Variants in RILPL1 observed in about 807,000 individuals in gnomAD.
RILPL1 encodes the protein Rab interacting lysosomal protein like 1, also known as RILP-like protein 1.
Under a neutral mutation model 50.3 loss-of-function variants are expected in RILPL1, and 33 were observed. That is an observed-to-expected ratio of 0.66 (90% CI 0.50 to 0.88). RILPL1 has a LOEUF of 0.88. Among genes scored for constraint, RILPL1 ranks in the 40% least tolerant of loss-of-function variants. The probability of loss-of-function intolerance (pLI) is 0.00; values close to 1 mark genes in which losing one functional copy is unlikely to be tolerated. For synonymous variants in RILPL1, 205 were observed against 228.6 expected (o/e 0.90, Z 0.93); for missense variants, 418 against 542.5 (o/e 0.77, Z 2.28).
chr12:123,490,750 C>CTTT (rs36045938), intron 4 of RILPL1, among the ~76,000 whole-genome samples: 1 of 132,804 alleles, frequency 7.5e-6, no homozygotes, highest in Admixed American at 7.5e-5. Context: ...AAAGTCCTGA[C>CTTT]TTTTTTTTTT....
At chr12:123,505,616 C>T (rs1323435694) in intron 2 of RILPL1, among the ~76,000 whole-genome samples, 1 of 152,046 alleles carries the variant, frequency 6.6e-6, no homozygotes, top group Non-Finnish European at 1.5e-5. Flanking sequence ...CTGTGCCCGG[C>T]CATCGAGTTT....
chr12:123,507,423 G>T (rs191188545), intron 2 of RILPL1, among the ~76,000 whole-genome samples: 135 of 151,924 alleles, frequency 8.9e-4, no homozygotes, highest in African/African-American at 3.2e-3. Context: ...ATACTAACTG[G>T]GTGTGATGGC....
chr12:123,502,175 G>C (rs144990139), intron 2 of RILPL1, among the ~76,000 whole-genome samples: 4,004 of 152,222 alleles, frequency 0.026, 81 homozygotes, highest in Admixed American at 0.06. Context: ...ATTCAGGGAG[G>C]TAAAGGAAGA....
At chr12:123,516,475 C>T (rs905173122) in intron 2 of RILPL1, among the ~76,000 whole-genome samples, 2 of 152,246 alleles carry the variant, frequency 1.3e-5, no homozygotes, top group Non-Finnish European at 1.5e-5. Flanking sequence ...AGCCCTGCTC[C>T]GCTTCCTCTT....
Position 123,485,698 on chromosome 12 carries a change from C to A in RILPL1, c.909G>T (p.Leu303=). ...TGGACTTGAGCTCGTTCCTCTCGTG[C>A]AGCACGTCCCGCAGCTCCTGCAGGG... ...RFTLQELRDV[L]HERNELKSKV... is the part of the protein sequence containing the mutation. Residue 303 remains leucine (L), a synonymous_variant, in exon 5 of 7, where the codon CTG becomes CTT. Transcript: ENST00000376874. This position sits in a 1 kb window ranked among gnomAD's most constrained non-coding sequence, Gnocchi z 4.0. The A allele has an allele frequency of 6.2e-7, 1 of 1,613,704 alleles. No homozygotes were observed. Among genetic ancestry groups the A allele is most frequent in the African/African-American group, 1.3e-5 (1 of 75,038 alleles).
intron 6 of RILPL1, among the ~76,000 whole-genome samples, chr12:123,479,852 C>T (rs1048812133): frequency 6.6e-6 from 1 of 152,158 alleles, no homozygotes; most frequent in Non-Finnish European, 1.5e-5. Flanking sequence ...AAACAGGGCC[C>T]CAGCGTCCTT....
chr12:123,510,387 GTGTGAGGTCTGTGTGTGGTGTCAA>G (rs1240184842), intron 2 of RILPL1, among the ~76,000 whole-genome samples: 1 of 152,056 alleles, frequency 6.6e-6, no homozygotes, highest in African/African-American at 2.4e-5. Context: ...TGTGTGTGGT[GTGTGAGGTCTGTGTGTGGTGTCAA>G]TGTGAGGTCT....
rs991982568 is a variant in RILPL1, at chr12:123,484,208, G to T, written c.1039C>A (p.Pro347Thr). ...PPPIAHPRTS[P>T]QPESGIKRLF... is the part of the protein sequence containing the mutation. ...CGCTTGATGCCCGACTCCGGCTGGG[G>T]GGACGTCCTCGGGTGGGCGATGGGT... The change falls in exon 6 of 7, where the codon CCC becomes ACC. Residue 347 changes from proline to threonine, a missense_variant. By Grantham distance (38) the Pro-to-Thr change is conservative (BLOSUM62 -1). Transcript: ENST00000376874. 5 of 1,611,014 alleles carry T rather than the reference G, an allele frequency of 3.1e-6. No individual in the cohort carries two copies. In the African/African-American group the frequency reaches 6.7e-5, roughly 22 times the overall value.
Position 123,485,945 on chromosome 12 carries a change from G to A in RILPL1, c.802-140C>T, listed in dbSNP as rs1008712659. The A allele has an allele frequency of 3.9e-5, 31 of 796,262 alleles. No homozygotes were observed. Among genetic ancestry groups the A allele is most frequent in the African/African-American group, 3.8e-4 (21 of 55,872 alleles). 49.3% of individuals were successfully genotyped at this position (796,262 alleles called of 1,614,324 possible). On this transcript the variant is annotated intron_variant, in intron 4 of 6. Transcript: ENST00000376874. This position sits in a 1 kb window ranked among gnomAD's most constrained non-coding sequence, Gnocchi z 4.0. Reference sequence around the variant, plus strand: ...GGTGCTATTTTCAGCACTCGCAGGCGGCCCTTGCTCACGTTCTGTACAGTT... The same window carrying A: ...GGTGCTATTTTCAGCACTCGCAGGCAGCCCTTGCTCACGTTCTGTACAGTT...
intron 2 of RILPL1, among the ~76,000 whole-genome samples, chr12:123,499,934 C>CA (rs1035967244): frequency 2.8e-5 from 4 of 144,786 alleles, no homozygotes; most frequent in African/African-American, 1.0e-4. Flanking sequence ...CCATGTATTA[C>CA]TTTTTTTTTT....
intron 2 of RILPL1, among the ~76,000 whole-genome samples, chr12:123,500,697 T>C (rs2139342098): frequency 6.6e-6 from 1 of 151,446 alleles, no homozygotes; most frequent in Middle Eastern, 3.4e-3. Context: ...GCTAGCCTCT[T>C]TATGCCTCAG....
At chr12:123,531,988 G>A (rs78878823) in intron 1 of RILPL1, among the ~76,000 whole-genome samples, 11,258 of 152,256 alleles carry the variant, frequency 0.074, 946 homozygotes, top group African/African-American at 0.2. Context: ...CCATGAGGAC[G>A]AGCACAGTCA....
At chr12:123,532,716 G>GT (rs1232279863) in intron 1 of RILPL1, among the ~76,000 whole-genome samples, 1 of 112,542 alleles carries the variant, frequency 8.9e-6, no homozygotes, top group African/African-American at 3.1e-5. Context: ...GGGGGGGGGG[G>GT]ATGAAGAAAG....
intron 2 of RILPL1, among the ~76,000 whole-genome samples, chr12:123,513,184 G>A (rs1247516642): frequency 6.6e-6 from 1 of 151,618 alleles, no homozygotes; most frequent in Non-Finnish European, 1.5e-5. Context: ...TGTGTGAGTG[G>A]GTGTATGTGT....
intron 2 of RILPL1, 137 bp downstream of exon 2, chr12:123,523,358 C>T (rs756426791): frequency 1.0e-6 from 1 of 995,776 alleles, no homozygotes; most frequent in Non-Finnish European, 1.5e-6. Context: ...TGCAAATCAA[C>T]ACAATACAGA....
rs1054009306 is a variant in RILPL1, at chr12:123,491,680, C to T, written c.802-5875G>A. Among the ~76,000 whole-genome samples, 2 of 152,136 alleles carry T rather than the reference C, an allele frequency of 1.3e-5. No individual in the cohort carries two copies. The highest frequency in any genetic ancestry group is 4.8e-5 in the African/African-American group (2 of 41,430). On this transcript the variant is annotated intron_variant, in intron 4 of 6. Coordinates refer to ENST00000376874, the MANE Select transcript of RILPL1 (RefSeq NM_178314.5). This position sits in a 1 kb window ranked among gnomAD's most constrained non-coding sequence, Gnocchi z 4.0. ...GTCTGCTTTCCCTATGCAGGCAGCC[C>T]GCACTTTACAAAACAAAAACAAAAC...
intron 1 of RILPL1, among the ~76,000 whole-genome samples, chr12:123,524,930 A>G (rs1038239644): frequency 1.3e-5 from 2 of 152,088 alleles, no homozygotes; most frequent in African/African-American, 4.8e-5. Flanking sequence ...TCAGAAGTCC[A>G]TGACCAGCCT....
rs147119898 is a variant in RILPL1 at position 123,512,073 on chromosome 12, CTG to C, written c.460+11420_460+11421del. Reference sequence around the variant, plus strand: ...GAGGTCTGTGTGTGGTGTGTGAGGTCTGTGTGTGTGTGGTGTGTGTGAGGTCT... The same window carrying C: ...GAGGTCTGTGTGTGGTGTGTGAGGTCTGTGTGTGTGGTGTGTGTGAGGTCT... On this transcript the variant is annotated intron_variant, in intron 2 of 6. Coordinates refer to ENST00000376874, the MANE Select transcript of RILPL1 (RefSeq NM_178314.5). 7.5e-3 allele frequency among the ~76,000 whole-genome samples: 452 copies of C among 60,494 alleles called. 7 individuals carry two copies. Among genetic ancestry groups the C allele is most frequent in the Middle Eastern group, 0.016 (1 of 62 alleles). 39.7% of individuals were successfully genotyped at this position (60,494 alleles called of 152,430 possible). A position where few individuals can be genotyped will look rare whatever the true frequency, so the allele number is the denominator to read the frequency against.
At chr12:123,521,601 A>G (rs1205828210) in intron 2 of RILPL1, among the ~76,000 whole-genome samples, 1 of 59,460 alleles carries the variant, frequency 1.7e-5, no homozygotes, top group Non-Finnish European at 3.1e-5. Flanking sequence ...ATATATTAAT[A>G]TATATACACA....
Sources: allele counts gnomAD v4.1 joint callset (sites outside exome capture counted in the v4.1 genomes callset), GRCh38; gene constraint gnomAD v4.1.1; non-coding constraint Gnocchi (gnomAD v3.1); transcripts MANE v1.5; gene names NCBI Gene and HGNC (gene_info 2026-07-23, HGNC 2026-07-21).